Variants in RTN3 observed in about 807,000 individuals in gnomAD.
The protein encoded by RTN3 is reticulon 3.
Under a neutral mutation model 77.8 loss-of-function variants are expected in RTN3, and 49 were observed. The observed-to-expected ratio is 0.63, with a 90% confidence interval of 0.50 to 0.80. The LOEUF (loss-of-function observed/expected upper bound fraction) is 0.80, where lower values mean the gene tolerates loss of function less well. Among genes scored for constraint, RTN3 ranks in the 30% least tolerant of loss-of-function variants. The pLI, the probability that RTN3 is intolerant of heterozygous loss-of-function variation, is 0.00. For synonymous variants in RTN3, 464 were observed against 446.9 expected (o/e 1.04, Z -0.48); for missense variants, 1,236 against 1,211.9 (o/e 1.02, Z -0.29).
intron 1 of RTN3, among the ~76,000 whole-genome samples, chr11:63,693,845 G>A (rs1160334594): frequency 6.6e-6 from 1 of 152,144 alleles, no homozygotes; most frequent in Non-Finnish European, 1.5e-5. Context: ...ACTCTGGCCG[G>A]GCACAGTGGC....
At chr11:63,693,438 C>A (rs942803394) in intron 1 of RTN3, among the ~76,000 whole-genome samples, 22 of 151,986 alleles carry the variant, frequency 1.4e-4, no homozygotes, top group Non-Finnish European at 2.1e-4. Context: ...GAGCCGAGAT[C>A]GCACCATTGT....
At chr11:63,712,493 T>C (rs1465328635) in intron 2 of RTN3, among the ~76,000 whole-genome samples, 1 of 150,546 alleles carries the variant, frequency 6.6e-6, no homozygotes, top group Non-Finnish European at 1.5e-5. Context: ...ATTTTTTTTT[T>C]TTTTTTTTTT....
chr11:63,734,568 C>A (rs982424564), intron 3 of RTN3, among the ~76,000 whole-genome samples: 2 of 151,734 alleles, frequency 1.3e-5, no homozygotes, highest in Non-Finnish European at 2.9e-5. Context: ...GAAACCTCTA[C>A]TAAAAATAGA....
chr11:63,740,616 A>G (rs368139696), intron 3 of RTN3, among the ~76,000 whole-genome samples: 1 of 151,292 alleles, frequency 6.6e-6, no homozygotes, highest in East Asian at 1.9e-4. Context: ...CTTTTAATAG[A>G]GATAGGGTCT....
chr11:63,728,437 A>ATC (rs2012432789), intron 3 of RTN3, among the ~76,000 whole-genome samples: 1 of 152,210 alleles, frequency 6.6e-6, no homozygotes, highest in East Asian at 1.9e-4. Flanking sequence ...CTCAGAGGCC[A>ATC]TCTCCAAGGA....
chr11:63,686,749 C>T (rs1287849778), intron 1 of RTN3, among the ~76,000 whole-genome samples: 1 of 151,812 alleles, frequency 6.6e-6, no homozygotes, highest in Non-Finnish European at 1.5e-5. Context: ...AGGAGGATGG[C>T]TTGAGCTGGG....
intron 1 of RTN3, among the ~76,000 whole-genome samples, chr11:63,686,061 T>C (rs1198860754): frequency 6.6e-6 from 1 of 152,136 alleles, no homozygotes; most frequent in East Asian, 1.9e-4. Context: ...GAGACTGAAA[T>C]ATTCAGTGTT....
chr11:63,691,810 C>T (rs1360513761), intron 1 of RTN3, among the ~76,000 whole-genome samples: 1 of 152,168 alleles, frequency 6.6e-6, no homozygotes, highest in East Asian at 1.9e-4. Context: ...GTAGATGCCG[C>T]CTATCTGGTC....
intron 1 of RTN3, among the ~76,000 whole-genome samples, chr11:63,683,030 T>C (rs546124210): frequency 2.0e-5 from 3 of 152,292 alleles, no homozygotes; most frequent in East Asian, 3.9e-4. Context: ...TTTGGCAGAA[T>C]CTTGGGTTCT....
intron 3 of RTN3, among the ~76,000 whole-genome samples, chr11:63,724,234 G>A (rs1223502775): frequency 2.2e-5 from 3 of 139,482 alleles, no homozygotes; most frequent in African/African-American, 8.1e-5. Context: ...CCAGGCTGGA[G>A]TGCAGTGGCG....
At chr11:63,724,108 C>A (rs2012030956) in intron 3 of RTN3, among the ~76,000 whole-genome samples, 2 of 148,162 alleles carry the variant, frequency 1.3e-5, no homozygotes, top group African/African-American at 2.5e-5. Flanking sequence ...TACAGCCTTT[C>A]TGGAAGGCAG....
intron 3 of RTN3, among the ~76,000 whole-genome samples, chr11:63,735,550 TTCTCTCTCTCTCTCTCTCTC>T (rs71468640): frequency 3.7e-4 from 16 of 42,734 alleles, no homozygotes; most frequent in Admixed American, 1.5e-3. Flanking sequence ...ATTCTAACAT[TTCTCTCTCTCTCTCTCTCTC>T]TCTCTCTCTC....
intron 1 of RTN3, among the ~76,000 whole-genome samples, chr11:63,699,798 TAC>T (rs1426749561): frequency 7.2e-5 from 11 of 152,228 alleles, no homozygotes; most frequent in African/African-American, 2.7e-4. Context: ...CCACAACTCA[TAC>T]AGTTTTACTG....
chr11:63,751,575 A>G (rs944181910), intron 4 of RTN3, among the ~76,000 whole-genome samples: 20 of 152,190 alleles, frequency 1.3e-4, no homozygotes, highest in Admixed American at 5.2e-4. Flanking sequence ...TTTCATAGAG[A>G]AGGAGACCCT....
intron 3 of RTN3, among the ~76,000 whole-genome samples, chr11:63,736,770 T>C (rs2013148577): frequency 1.3e-5 from 2 of 152,194 alleles, no homozygotes; most frequent in Admixed American, 1.3e-4. Flanking sequence ...GACTTGGGCT[T>C]CCATGGATTT....
chr11:63,696,746 ATG>A (rs1941964911), intron 1 of RTN3, among the ~76,000 whole-genome samples: 1 of 149,508 alleles, frequency 6.7e-6, no homozygotes, highest in East Asian at 2.0e-4. Flanking sequence ...GGGTTTCACC[ATG>A]GTTGGCCAGG....
intron 3 of RTN3, among the ~76,000 whole-genome samples, chr11:63,731,643 TTTATTTA>T (rs2012699038): frequency 6.6e-6 from 1 of 152,020 alleles, no homozygotes. Context: ...ATTATATAGC[TTTATTTA>T]TTTTTTATTT....
intron 1 of RTN3, among the ~76,000 whole-genome samples, chr11:63,697,296 T>C (rs923294873): frequency 1.3e-5 from 2 of 151,758 alleles, no homozygotes; most frequent in East Asian, 1.9e-4. Flanking sequence ...GGTCCACTTA[T>C]GCTTTTTTTT....
At chr11:63,737,227 A>G (rs2013184548) in intron 3 of RTN3, among the ~76,000 whole-genome samples, 1 of 152,236 alleles carries the variant, frequency 6.6e-6, no homozygotes. Flanking sequence ...CTAAAACCAA[A>G]AAACTTTTCC....
Sources: gnomAD v4.1 joint callset for allele counts (sites outside exome capture counted in the v4.1 genomes callset) on GRCh38, gnomAD v4.1.1 for gene constraint, MANE v1.5 for transcripts, NCBI Gene and HGNC (gene_info 2026-07-23, HGNC 2026-07-21) for gene names.